The following ELP1 variants were observed in gnomAD, a reference collection of about 807,000 sequenced individuals.
The protein encoded by ELP1 is elongator acetyltransferase complex subunit 1.
A neutral mutation model predicts 183.2 loss-of-function variants in ELP1; 131 were observed. That is an observed-to-expected ratio of 0.72 (90% confidence interval 0.62 to 0.83). The LOEUF (loss-of-function observed/expected upper bound fraction) is 0.83. Ranked by LOEUF, ELP1 falls within the 40% of genes least tolerant of loss-of-function variation. The pLI is 0.00. For synonymous variants in ELP1, 555 were observed against 569.0 expected (o/e 0.98, Z 0.35); for missense variants, 1,550 against 1,594.9 (o/e 0.97, Z 0.48).
At chr9:108,873,649 A>C (rs936488795) in intron 36 of ELP1, among the ~76,000 whole-genome samples, 1 of 152,200 alleles carries the variant, frequency 6.6e-6, no homozygotes, top group Non-Finnish European at 1.5e-5. Flanking sequence ...GGAGGCAGAA[A>C]TCACAACTGG....
At position 108,917,631 on chromosome 9, in the gene ELP1, G is replaced by A; in HGVS notation, c.780C>T (p.Pro260=). ...GSLIASTQDK[P]NQQDIVFFEK... Reference sequence around the variant, plus strand: ...CAAAAAACACAATATCCTGCTGGTTGGGTTTATCTTGTGTAGATGCAATCA... The same window carrying A: ...CAAAAAACACAATATCCTGCTGGTTAGGTTTATCTTGTGTAGATGCAATCA... The change falls in exon 9 of 37, where the codon CCC becomes CCT. Residue 260 remains proline, a synonymous_variant. Transcript: ENST00000374647. 6.2e-7 allele frequency: 1 copy of A among 1,613,952 alleles called. No homozygotes were observed.
rs1018668840 is a variant in ELP1 at position 108,920,102 on chromosome 9, A to G, written c.553-753T>C. Reference sequence around the variant, plus strand: ...TTACTGAAGGGTTAAGGCCTGAAATAGGCATTATATGAAATAGAACTGGAA... The same window carrying G: ...TTACTGAAGGGTTAAGGCCTGAAATGGGCATTATATGAAATAGAACTGGAA... On this transcript the variant is annotated intron_variant, in intron 6 of 36. Transcript: ENST00000374647. Among the ~76,000 whole-genome samples, 6 of 152,220 alleles carry G rather than the reference A, an allele frequency of 3.9e-5. No individual in the cohort carries two copies. In the East Asian group the frequency reaches 1.2e-3, roughly 29 times the overall value.
intron 8 of ELP1, 39 bp downstream of exon 8, chr9:108,918,772 G>A: frequency 7.0e-7 from 1 of 1,419,912 alleles, no homozygotes; most frequent in East Asian, 2.3e-5. Flanking sequence ...CCTCTACTCT[G>A]GTTCCAAGAA....
At chr9:108,918,979 C>T (rs1336335404) in intron 7 of ELP1, 78 bp from the exon 8 acceptor site, 4 of 1,054,588 alleles carry the variant, frequency 3.8e-6, no homozygotes, top group African/African-American at 3.1e-5. Flanking sequence ...ACTATTCAAA[C>T]ACCTTCCTTA....
chr9:108,911,584 T>C (rs1829225478), intron 11 of ELP1, among the ~76,000 whole-genome samples: 3 of 152,232 alleles, frequency 2.0e-5, no homozygotes, highest in Admixed American at 6.5e-5. Context: ...TTAAGTTCTC[T>C]ATATAGAATA....
chr9:108,933,969 T>C lies in ELP1; in HGVS notation c.-161A>G, dbSNP rs368392039. 1 of 159,772 alleles carries C rather than the reference T, an allele frequency of 6.3e-6. No homozygotes were observed. Among genetic ancestry groups the C allele is most frequent in the East Asian group, 1.9e-4 (1 of 5,176 alleles). The allele number at this position is 159,772 out of a possible 1,614,324, so 9.9% of individuals were successfully genotyped here. ...GTCCGCACCCAGAGTCGGCTCCGAATTGCGCACGCGTCTCTGTCCGCGGCT... is the reference window on the plus strand; with the variant it reads ...GTCCGCACCCAGAGTCGGCTCCGAACTGCGCACGCGTCTCTGTCCGCGGCT... On this transcript the variant is annotated 5_prime_UTR_variant, in exon 1 of 37. Transcript: ENST00000374647.
At position 108,917,570 on chromosome 9, in the gene ELP1, G is replaced by A; in HGVS notation, c.841C>T (p.Pro281Ser). Residue 281 changes from proline (P) to serine (S), a missense_variant, in exon 9 of 37, where the codon CCC (proline) becomes TCC (serine). Coordinates refer to ENST00000374647, the MANE Select transcript of ELP1 (RefSeq NM_003640.5). ...ACCTTAACCTCATCTTTAAGGAAGG[G>A]AAGTGTAAAGTGTCCATGAAGGAGT... ...NGLLHGHFTL[P>S]FLKDEVKVND... is the part of the protein sequence containing the mutation. 1.2e-6 allele frequency: 2 copies of A among 1,613,880 alleles called. No homozygotes were observed. The highest frequency in any genetic ancestry group is 2.2e-5 in the East Asian group (1 of 44,858).
rs2132043675 is a variant in ELP1, at chr9:108,926,513, C to T, written c.466+10G>A. ...GTAGGTCACAAAATATTGCACAAAG[C>T]TATACTTACTTTCACCAAAATCATC... On this transcript the variant is annotated intron_variant, in intron 5 of 36. Coordinates refer to ENST00000374647, the MANE Select transcript of ELP1 (RefSeq NM_003640.5). The T allele has an allele frequency of 1.9e-6, 3 of 1,605,450 alleles. No individual in the cohort carries two copies. The highest frequency in any genetic ancestry group is 1.7e-4 in the Middle Eastern group (1 of 6,050).
At chr9:108,903,694 T>G (rs762586749) in intron 14 of ELP1, 25 bp from the exon 15 acceptor site, 1 of 1,526,330 alleles carries the variant, frequency 6.6e-7, no homozygotes, top group Non-Finnish European at 9.1e-7. Flanking sequence ...GAGAAGGGAG[T>G]GTAAACAGAC....
At chr9:108,928,787 A>T (rs145262699) in intron 3 of ELP1, among the ~76,000 whole-genome samples, 2,434 of 150,694 alleles carry the variant, frequency 0.016, 30 homozygotes, top group Non-Finnish European at 0.025. Flanking sequence ...TTCAAATACG[A>T]AAAAAAAACA....
intron 31 of ELP1, 99 bp downstream of exon 31, chr9:108,881,606 A>AT (rs1370488083): frequency 2.6e-6 from 2 of 777,732 alleles, no homozygotes; most frequent in Admixed American, 1.9e-5. Context: ...TCTACATGAC[A>AT]TATTATTAAG....
intron 11 of ELP1, 115 bp downstream of exon 11, chr9:108,912,149 C>A: frequency 3.6e-6 from 3 of 836,392 alleles, no homozygotes; most frequent in Middle Eastern, 3.3e-4. Context: ...AAACAAGTAA[C>A]CCAAACAGCC....
At chr9:108,893,181 C>A in intron 26 of ELP1, 98 bp from the exon 27 acceptor site, 3 of 807,276 alleles carry the variant, frequency 3.7e-6, no homozygotes, top group Non-Finnish European at 6.4e-6. Flanking sequence ...AAATGAGGAA[C>A]TTTTTAAGAC....
chr9:108,881,593 G>A, intron 31 of ELP1, 112 bp downstream of exon 31: 1 of 704,578 alleles, frequency 1.4e-6, no homozygotes, highest in Non-Finnish European at 2.5e-6. Flanking sequence ...AATTTTGATT[G>A]AGTCTACATG....
chr9:108,899,717 G>C, intron 20 of ELP1, 105 bp downstream of exon 20: 1 of 878,252 alleles, frequency 1.1e-6, no homozygotes, highest in Non-Finnish European at 1.9e-6. Flanking sequence ...TATAGGTAAT[G>C]AGGGCTTTTC....
chr9:108,904,135 T>C (rs1238483924), intron 14 of ELP1, among the ~76,000 whole-genome samples: 3 of 152,216 alleles, frequency 2.0e-5, no homozygotes, highest in African/African-American at 7.2e-5. Context: ...TCTCTATCAC[T>C]ATCATATCGA....
intron 25 of ELP1, among the ~76,000 whole-genome samples, 184 bp from the exon 26 acceptor site, chr9:108,894,250 T>G (rs1828455799): frequency 6.6e-6 from 1 of 152,210 alleles, no homozygotes; most frequent in African/African-American, 2.4e-5. Context: ...TATGGGGAAT[T>G]GGTTCCAGGA....
intron 8 of ELP1, among the ~76,000 whole-genome samples, chr9:108,918,246 A>G (rs1005906505): frequency 2.6e-5 from 4 of 152,226 alleles, no homozygotes; most frequent in African/African-American, 9.6e-5. Context: ...GAGGAGATAC[A>G]TCTTCTATCT....
chr9:108,926,690 C>G (rs1427752736), intron 4 of ELP1, 87 bp from the exon 5 acceptor site: 2 of 926,636 alleles, frequency 2.2e-6, no homozygotes, highest in Non-Finnish European at 3.4e-6. Flanking sequence ...AGCTAAGGAG[C>G]TGGAGTTAGT....
Sources: allele counts gnomAD v4.1 joint callset (sites outside exome capture counted in the v4.1 genomes callset), GRCh38; gene constraint gnomAD v4.1.1; transcripts MANE v1.5; gene names NCBI Gene and HGNC (gene_info 2026-07-23, HGNC 2026-07-21).